The following HPSE2 variants were observed in gnomAD, a reference collection of about 807,000 sequenced individuals.
HPSE2 encodes heparanase 2 (inactive).
A neutral mutation model predicts 60.5 loss-of-function variants in HPSE2; 38 were observed. The ratio of observed to expected loss-of-function variants is 0.63; its 90% CI spans 0.48 to 0.82. The LOEUF is 0.82. Among genes scored for constraint, HPSE2 ranks in the 40% least tolerant of loss-of-function variants. The probability of loss-of-function intolerance (pLI) is 0.00; values close to 1 mark genes in which losing one functional copy is unlikely to be tolerated. For synonymous variants in HPSE2, 295 were observed against 293.2 expected (o/e 1.01, Z -0.06); for missense variants, 713 against 740.4 (o/e 0.96, Z 0.43).
At chr10:99,281,474 G>A in the HPSE2 span, among the ~76,000 whole-genome samples, 99 of 151,944 alleles carry the variant, frequency 6.5e-4, 1 homozygote, top group East Asian at 0.017. Flanking sequence ...ATCAGTAATT[G>A]TTGCTTTGTC....
At chr10:98,552,227 A>T (rs550703914) in intron 9 of HPSE2, among the ~76,000 whole-genome samples, 11 of 152,184 alleles carry the variant, frequency 7.2e-5, no homozygotes, top group Non-Finnish European at 1.6e-4. Flanking sequence ...GGTAGCTAGT[A>T]AATGGTGCTG....
chr10:98,810,757 TAAAAAA>T (rs986288783), intron 3 of HPSE2, among the ~76,000 whole-genome samples: 10 of 68,988 alleles, frequency 1.4e-4, no homozygotes, highest in South Asian at 6.5e-4. Flanking sequence ...GTTGATGAAC[TAAAAAA>T]AAAAAATAAA....
chr10:98,998,730 C>A (rs895123437), intron 3 of HPSE2, among the ~76,000 whole-genome samples: 15 of 152,154 alleles, frequency 9.9e-5, no homozygotes, highest in Non-Finnish European at 1.6e-4. Flanking sequence ...CATGTATTCA[C>A]TATTTAAAAA....
intron 3 of HPSE2, among the ~76,000 whole-genome samples, chr10:98,893,486 T>C (rs903132905): frequency 6.6e-6 from 1 of 152,174 alleles, no homozygotes; most frequent in East Asian, 1.9e-4. Flanking sequence ...TGTTAACATC[T>C]GCATTTATAG....
At chr10:98,925,769 A>T (rs1378400144) in intron 3 of HPSE2, among the ~76,000 whole-genome samples, 1 of 152,132 alleles carries the variant, frequency 6.6e-6, no homozygotes, top group Admixed American at 6.5e-5. Flanking sequence ...CTGTCTTGCT[A>T]GATTGGTCCT....
the HPSE2 span, among the ~76,000 whole-genome samples, chr10:99,251,812 A>G: frequency 6.8e-6 from 1 of 147,260 alleles, no homozygotes; most frequent in Admixed American, 6.9e-5. Flanking sequence ...ATCACATGAG[A>G]CGAAGAGTTT....
chr10:98,850,088 T>C (rs1952132926), intron 3 of HPSE2, among the ~76,000 whole-genome samples: 1 of 152,152 alleles, frequency 6.6e-6, no homozygotes, highest in Admixed American at 6.5e-5. Flanking sequence ...AATTCAAAAA[T>C]ATTTATTCTT....
chr10:98,902,740 A>G (rs905758717), intron 3 of HPSE2, among the ~76,000 whole-genome samples: 1 of 152,144 alleles, frequency 6.6e-6, no homozygotes, highest in Non-Finnish European at 1.5e-5. Flanking sequence ...CCTACATACA[A>G]ATAATAAATT....
chr10:99,291,361 A>T, the HPSE2 span, among the ~76,000 whole-genome samples: 10 of 152,316 alleles, frequency 6.6e-5, no homozygotes, highest in East Asian at 1.9e-3. Flanking sequence ...CAAGGCGGGC[A>T]GATCACGAGG....
intron 7 of HPSE2, among the ~76,000 whole-genome samples, chr10:98,632,204 G>T (rs1283190662): frequency 6.6e-6 from 1 of 152,008 alleles, no homozygotes; most frequent in Non-Finnish European, 1.5e-5. Context: ...TTATTTAATA[G>T]ATTAATAATA....
intron 3 of HPSE2, among the ~76,000 whole-genome samples, chr10:99,075,101 T>A (rs1393252681): frequency 6.6e-6 from 1 of 152,136 alleles, no homozygotes; most frequent in Non-Finnish European, 1.5e-5. Context: ...GTTCTTTTTC[T>A]AATTCTTTGA....
chr10:99,113,408 A>AT (rs1453034898), intron 3 of HPSE2, among the ~76,000 whole-genome samples: 3 of 152,114 alleles, frequency 2.0e-5, no homozygotes, highest in African/African-American at 7.2e-5. Flanking sequence ...GTCTCTAAAT[A>AT]TTTTTATTGT....
chr10:99,106,011 A>G (rs960895142), intron 3 of HPSE2, among the ~76,000 whole-genome samples: 7 of 152,124 alleles, frequency 4.6e-5, no homozygotes, highest in African/African-American at 1.7e-4. Flanking sequence ...TTATTATAGT[A>G]TTACAAAATG....
rs545001991 is a variant in HPSE2 at position 98,995,526 on chromosome 10, T to C, written c.610+148712A>G. Among the ~76,000 whole-genome samples the C allele has an allele frequency of 2.6e-5, 4 of 152,322 alleles. No homozygotes were observed. The South Asian group carries it at 8.3e-4, about 32-fold the overall frequency. ...TCTTTGAAAAAGTCACCATTTATTC[T>C]CCTCTCCGGATAAATTTTTAAAATA... On this transcript the variant is annotated intron_variant, in intron 3 of 11. Coordinates refer to ENST00000370552, the MANE Select transcript of HPSE2 (RefSeq NM_021828.5).
chr10:98,598,682 C>A (rs1945314142), intron 9 of HPSE2, among the ~76,000 whole-genome samples: 2 of 152,250 alleles, frequency 1.3e-5, no homozygotes, highest in African/African-American at 2.4e-5. Flanking sequence ...TGGAGGCAGA[C>A]CTGGGTCCTA....
At chr10:98,587,468 G>T (rs1306889597) in intron 9 of HPSE2, among the ~76,000 whole-genome samples, 1 of 152,208 alleles carries the variant, frequency 6.6e-6, no homozygotes, top group East Asian at 1.9e-4. Context: ...ACTGATACAT[G>T]TTTCTACTTT....
intron 3 of HPSE2, among the ~76,000 whole-genome samples, chr10:98,836,955 C>T (rs1009767838): frequency 1.3e-5 from 2 of 152,128 alleles, no homozygotes; most frequent in Non-Finnish European, 2.9e-5. Context: ...GGGAGAATTG[C>T]TTGAACTGGG....
intron 9 of HPSE2, among the ~76,000 whole-genome samples, chr10:98,575,131 T>C (rs531439666): frequency 7.2e-5 from 11 of 152,306 alleles, no homozygotes; most frequent in African/African-American, 2.6e-4. Context: ...AGGCGTCATA[T>C]AGGCTCCTCA....
upstream of HPSE2, among the ~76,000 whole-genome samples, chr10:99,238,453 C>A (rs1327139352): frequency 6.6e-6 from 1 of 152,134 alleles, no homozygotes; most frequent in African/African-American, 2.4e-5. Context: ...GTATTAAAAT[C>A]AAAACCAACA....
Sources: allele counts gnomAD v4.1 joint callset (sites outside exome capture counted in the v4.1 genomes callset), GRCh38; gene constraint gnomAD v4.1.1; transcripts MANE v1.5; gene names NCBI Gene and HGNC (gene_info 2026-07-23, HGNC 2026-07-21).